Variants in UNC13C observed in about 807,000 individuals in gnomAD.
UNC13C encodes the protein unc-13 homolog C.
UNC13C carries 174 observed loss-of-function variants against 245.4 expected under a neutral mutation model. The ratio of observed to expected loss-of-function variants is 0.71; its 90% CI spans 0.63 to 0.80. UNC13C has a LOEUF of 0.80. Ranked by LOEUF, UNC13C falls within the 30% of genes least tolerant of loss-of-function variation. The probability of loss-of-function intolerance (pLI) is 0.00; values close to 1 mark genes in which losing one functional copy is unlikely to be tolerated. For missense variants in UNC13C, 2,829 were observed against 2,602.9 expected, an observed-to-expected ratio of 1.09 and a Z score of -1.89; for synonymous variants, 992 against 895.1, an observed-to-expected ratio of 1.11 and a Z score of -1.93.
At chr15:54,243,964 A>G (rs2035926864) in intron 7 of UNC13C, among the ~76,000 whole-genome samples, 1 of 152,162 alleles carries the variant, frequency 6.6e-6, no homozygotes, top group Admixed American at 6.5e-5. Context: ...TTTGCTGCAT[A>G]GAAGCTATTT....
chr15:54,160,929 A>G (rs1468676311), intron 4 of UNC13C, among the ~76,000 whole-genome samples: 1 of 152,184 alleles, frequency 6.6e-6, no homozygotes, highest in Non-Finnish European at 1.5e-5. Context: ...ACTCTTTCAA[A>G]TGTGAAAAAT....
intron 2 of UNC13C, among the ~76,000 whole-genome samples, chr15:54,127,589 G>A (rs2141207325): frequency 6.6e-6 from 1 of 151,786 alleles, no homozygotes; most frequent in East Asian, 1.9e-4. Context: ...ATAGCATTAA[G>A]AGAAATAGCT....
the UNC13C span, among the ~76,000 whole-genome samples, chr15:53,963,686 G>C: frequency 2.0e-5 from 3 of 152,168 alleles, no homozygotes; most frequent in Admixed American, 6.5e-5. Flanking sequence ...ATTTGGGAAG[G>C]CTTGTTAAAG....
intron 30 of UNC13C, among the ~76,000 whole-genome samples, chr15:54,616,014 AAT>A (rs1262491088): frequency 2.0e-5 from 3 of 152,204 alleles, no homozygotes; most frequent in East Asian, 3.9e-4. Flanking sequence ...CTTCCATCTA[AAT>A]ATGTTTCAAT....
chr15:54,109,263 TCCCTCTCCTCCCCTCCCCTCCCCTC>T (rs1900625888), intron 2 of UNC13C, among the ~76,000 whole-genome samples: 2 of 126,656 alleles, frequency 1.6e-5, no homozygotes, highest in Admixed American at 7.7e-5. Flanking sequence ...TCCTTTCCTT[TCCCTCTCCTCCCCTCCCCTCCCCTC>T]CCCTCCCTTC....
At chr15:54,456,551 G>A (rs961303698) in intron 19 of UNC13C, among the ~76,000 whole-genome samples, 17 of 151,454 alleles carry the variant, frequency 1.1e-4, no homozygotes, top group African/African-American at 4.1e-4. Flanking sequence ...TTTCCTTATA[G>A]AGATCTTTCA....
At chr15:54,433,919 G>A (rs1191515724) in intron 19 of UNC13C, among the ~76,000 whole-genome samples, 1 of 152,012 alleles carries the variant, frequency 6.6e-6, no homozygotes, top group Non-Finnish European at 1.5e-5. Flanking sequence ...AAAATCACAA[G>A]CATTCCTATA....
the UNC13C span, among the ~76,000 whole-genome samples, chr15:53,898,368 C>G: frequency 6.6e-6 from 1 of 152,044 alleles, no homozygotes; most frequent in African/African-American, 2.4e-5. Flanking sequence ...TTTTCTTGAC[C>G]TAACTGATTC....
At chr15:54,142,019 G>C (rs1054635893) in intron 2 of UNC13C, among the ~76,000 whole-genome samples, 1 of 152,244 alleles carries the variant, frequency 6.6e-6, no homozygotes, top group African/African-American at 2.4e-5. Context: ...GTAAACTCCA[G>C]TGTCACTCCA....
intron 19 of UNC13C, among the ~76,000 whole-genome samples, chr15:54,464,430 C>A (rs4776231): frequency 0.41 from 62,398 of 151,806 alleles, 13,101 homozygotes; most frequent in East Asian, 0.62. Flanking sequence ...TGAAGCATTA[C>A]ATTTTTTTAT....
chr15:54,020,455 TTTTTTTTTA>T (rs1312077854), intron 2 of UNC13C, among the ~76,000 whole-genome samples: 2 of 133,190 alleles, frequency 1.5e-5, no homozygotes, highest in Non-Finnish European at 3.2e-5. Flanking sequence ...TTTTTTTTTT[TTTTTTTTTA>T]ATTAGAGATG....
chr15:53,900,739 A>G, the UNC13C span, among the ~76,000 whole-genome samples: 3 of 152,190 alleles, frequency 2.0e-5, no homozygotes, highest in Middle Eastern at 3.2e-3. Context: ...ACTCAGATCA[A>G]TGTCCCATCT....
chr15:54,009,194 A>G (rs111347171), intron 1 of UNC13C, among the ~76,000 whole-genome samples: 1 of 152,192 alleles, frequency 6.6e-6, no homozygotes, highest in East Asian at 1.9e-4. Context: ...TCATAGAGAT[A>G]AAAGGTATCT....
intron 19 of UNC13C, among the ~76,000 whole-genome samples, chr15:54,419,411 A>G (rs1596349034): frequency 6.6e-6 from 1 of 152,292 alleles, no homozygotes; most frequent in East Asian, 1.9e-4. Flanking sequence ...TGATACTATT[A>G]GAAGTTCAAT....
Position 54,507,195 on chromosome 15 carries a change from G to GT in UNC13C, c.5379+2dup, listed in dbSNP as rs1894512729. 6.3e-7 allele frequency: 1 copy of GT among 1,575,680 alleles called. No homozygotes were observed. The highest frequency in any genetic ancestry group is 1.2e-5 in the South Asian group (1 of 86,276). On this transcript the variant is annotated splice_donor_variant, in intron 23 of 32. Coordinates refer to ENST00000260323, the MANE Select transcript of UNC13C (RefSeq NM_001080534.3). LOFTEE classifies it high-confidence loss of function. The stretch of plus-strand genomic sequence containing the variant: ...TTCACATTGTGATAAGGAAAATGTG[G>GT]TAAGTAAAAAATGTCTCTACTTTCA...
the UNC13C span, among the ~76,000 whole-genome samples, chr15:53,870,470 G>A: frequency 6.8e-6 from 1 of 147,778 alleles, no homozygotes; most frequent in Non-Finnish European, 1.5e-5. Flanking sequence ...CCTGGACCAT[G>A]TGGGTGAGTG....
At chr15:54,221,636 AC>A in intron 4 of UNC13C, among the ~76,000 whole-genome samples, 1 of 151,702 alleles carries the variant, frequency 6.6e-6, no homozygotes, top group Non-Finnish European at 1.5e-5. Context: ...GTTATCTTAT[AC>A]CTTGCTTTAA....
intron 13 of UNC13C, among the ~76,000 whole-genome samples, chr15:54,310,143 C>A (rs1457739314): frequency 6.6e-6 from 1 of 151,540 alleles, no homozygotes; most frequent in Non-Finnish European, 1.5e-5. Context: ...TGGTTTGCAG[C>A]ACCTCTGAGT....
intron 1 of UNC13C, among the ~76,000 whole-genome samples, chr15:54,002,681 T>C (rs913737354): frequency 6.6e-6 from 1 of 152,238 alleles, no homozygotes; most frequent in Non-Finnish European, 1.5e-5. Context: ...TCAATAATTC[T>C]AACAAATGTC....
Sources: allele counts gnomAD v4.1 joint callset (sites outside exome capture counted in the v4.1 genomes callset), GRCh38; gene constraint gnomAD v4.1.1; transcripts MANE v1.5; gene names NCBI Gene and HGNC (gene_info 2026-07-23, HGNC 2026-07-21).